Variants in TMEM179 observed in about 807,000 individuals in gnomAD.
TMEM179 encodes transmembrane protein 179A.
Under a neutral mutation model 22.2 loss-of-function variants are expected in TMEM179, and 17 were observed. That is an observed-to-expected ratio of 0.77 (90% CI 0.52 to 1.15). TMEM179 has a LOEUF of 1.15. Among genes scored for constraint, TMEM179 ranks in the 50% most tolerant of loss-of-function variants. TMEM179 has a pLI of 0.00. For missense variants in TMEM179, 265 were observed against 313.6 expected (o/e 0.84, Z 1.17); for synonymous variants, 127 against 140.5 (o/e 0.90, Z 0.68).
At position 104,593,594 on chromosome 14, in the gene TMEM179, T is replaced by C. The variant is rs1285013002; in HGVS notation, c.587A>G (p.Tyr196Cys). Residue 196 changes from tyrosine to cysteine, a missense_variant, in exon 4 of 4, where the codon TAC (tyrosine) becomes TGC (cysteine). Tyr to Cys is a radical substitution (Grantham distance 194). Coordinates refer to ENST00000556573, the MANE Select transcript of TMEM179 (RefSeq NM_001286389.2). ...AITTLAFLKV[Y>C]HNYRQEDLLD... ...CAGGTCCTCCTGACGGTAGTTGTGG[T>C]AGACCTTCAGGAAGGCCAGCGTGGT... 2 of 1,519,666 alleles carry C rather than the reference T, an allele frequency of 1.3e-6. No homozygotes were observed. The highest frequency in any genetic ancestry group is 4.0e-5 in the Admixed American group (2 of 50,032). 94.1% of individuals were successfully genotyped at this position (1,519,666 alleles called of 1,614,324 possible).
rs1388884124 is a variant in TMEM179 at position 104,604,120 on chromosome 14, G to A, written c.305+317C>T. ...AGTGTGGCCCGGCTGAGCCCGCCCA[G>A]GAAGGTCCAGGCCTGCTGGGTGATG... On this transcript the variant is annotated intron_variant, in intron 1 of 3. Coordinates refer to ENST00000556573, the MANE Select transcript of TMEM179 (RefSeq NM_001286389.2). The surrounding 1 kb of genome is among the most constrained non-coding windows in gnomAD (Gnocchi z 4.6). Among the ~76,000 whole-genome samples, 1 of 152,226 alleles carries A rather than the reference G, an allele frequency of 6.6e-6. No homozygotes were observed. The highest frequency in any genetic ancestry group is 2.4e-5 in the African/African-American group (1 of 41,460).
chr14:104,594,714 T>G, intron 3 of TMEM179: 1 of 1,155,572 alleles, frequency 8.7e-7, no homozygotes, highest in Non-Finnish European at 1.1e-6. Context: ...CCCTGCCTCC[T>G]TCCTTGGACT....
rs1886998183 is a variant in TMEM179, at chr14:104,595,655, T to C, written c.444-412A>G. Among the ~76,000 whole-genome samples, 1 of 152,168 alleles carries C rather than the reference T, an allele frequency of 6.6e-6. No homozygotes were observed. The highest frequency in any genetic ancestry group is 6.5e-5 in the Admixed American group (1 of 15,288). On this transcript the variant is annotated intron_variant, in intron 2 of 3. Coordinates refer to ENST00000556573, the MANE Select transcript of TMEM179 (RefSeq NM_001286389.2). The surrounding 1 kb of genome is among the most constrained non-coding windows in gnomAD (Gnocchi z 5.7). ...CCTCTGCCCCCCATGCCCCACACTC[T>C]GAGGGTCACAGGGTCTCAGAGGCAG...
chr14:104,591,792 C>T lies in TMEM179; in HGVS notation c.*1687G>A. On this transcript the variant is annotated 3_prime_UTR_variant, in exon 4 of 4. Transcript: ENST00000556573. ...CAGGGAGCCAGGGGCTCGCCTCTCC[C>T]CGGGAAGGTGGGCGCAGCAGCAGGG... is the stretch of plus-strand genomic sequence containing the variant. The T allele has an allele frequency of 4.8e-6, 1 of 209,572 alleles. No individual in the cohort carries two copies. Among genetic ancestry groups the T allele is most frequent in the Non-Finnish European group, 9.7e-6 (1 of 102,752 alleles). 13.0% of individuals were successfully genotyped at this position (209,572 alleles called of 1,614,324 possible).
Position 104,604,541 on chromosome 14 carries a change from C to T in TMEM179, c.201G>A (p.Pro67=). 6.5e-7 allele frequency: 1 copy of T among 1,537,086 alleles called. No individual in the cohort carries two copies. The highest frequency in any genetic ancestry group is 8.7e-7 in the Non-Finnish European group (1 of 1,145,028). ...RERFTVQEWG[P]PAACRFSLLA... is the part of the protein sequence containing the mutation. ...GCAGGCTGAAGCGGCAGGCGGCCGG[C>T]GGGCCCCACTCCTGCACCGTGAAGC... The change falls in exon 1 of 4, where the codon CCG becomes CCA. Residue 67 remains proline (P), a synonymous_variant. Coordinates refer to ENST00000556573, the MANE Select transcript of TMEM179 (RefSeq NM_001286389.2). The surrounding 1 kb of genome is among the most constrained non-coding windows in gnomAD (Gnocchi z 4.6).
rs980071543 is a variant in TMEM179, at chr14:104,597,329, G to A, written c.306-202C>T. ...TCAAGGAGTTGTTCCCCCTGCCTGC[G>A]GTCCCTCGGGCAGCTCCGTGTGCCC... On this transcript the variant is annotated intron_variant, in intron 1 of 3. Coordinates refer to ENST00000556573, the MANE Select transcript of TMEM179 (RefSeq NM_001286389.2). This position sits in a 1 kb window ranked among gnomAD's most constrained non-coding sequence, Gnocchi z 4.8. Among the ~76,000 whole-genome samples the A allele has an allele frequency of 3.3e-5, 5 of 152,088 alleles. No individual in the cohort carries two copies. Among genetic ancestry groups the A allele is most frequent in the Admixed American group, 6.5e-5 (1 of 15,288 alleles).
chr14:104,595,858 G>A lies in TMEM179; in HGVS notation c.444-615C>T, dbSNP rs950249579. On this transcript the variant is annotated intron_variant, in intron 2 of 3. Coordinates refer to ENST00000556573, the MANE Select transcript of TMEM179 (RefSeq NM_001286389.2). This position sits in a 1 kb window ranked among gnomAD's most constrained non-coding sequence, Gnocchi z 5.7. Reference sequence around the variant, plus strand: ...CTGCACCCCCAACATAAAACGTGAAGCCAGGACACATTGACAGGAGCAGGG... The same window carrying A: ...CTGCACCCCCAACATAAAACGTGAAACCAGGACACATTGACAGGAGCAGGG... 6.6e-6 allele frequency among the ~76,000 whole-genome samples: 1 copy of A among 152,250 alleles called. No individual in the cohort carries two copies. The highest frequency in any genetic ancestry group is 1.5e-5 in the Non-Finnish European group (1 of 68,042).
chr14:104,593,177 C>T lies in TMEM179; in HGVS notation c.*302G>A. On this transcript the variant is annotated 3_prime_UTR_variant, in exon 4 of 4. Transcript: ENST00000556573. ...ACGCCCTCCACATAGGCTGGCCAGT[C>T]AGGTCCTACTGGGACAGCCAAGGGG... 1 of 467,566 alleles carries T rather than the reference C, an allele frequency of 2.1e-6. No homozygotes were observed. The highest frequency in any genetic ancestry group is 3.8e-6 in the Non-Finnish European group (1 of 262,198). 29.0% of individuals were successfully genotyped at this position (467,566 alleles called of 1,614,324 possible). A position where few individuals can be genotyped will look rare whatever the true frequency, so the allele number is the denominator to read the frequency against.
At chr14:104,601,785 C>A (rs1887248693) in intron 1 of TMEM179, among the ~76,000 whole-genome samples, 1 of 152,178 alleles carries the variant, frequency 6.6e-6, no homozygotes, top group Non-Finnish European at 1.5e-5. Flanking sequence ...CCGCCACAGG[C>A]CCCTTCCTGA....
rs1196896451 is a variant in TMEM179 at position 104,604,692 on chromosome 14, G to C, written c.50C>G (p.Ala17Gly). Residue 17 changes from alanine to glycine, a missense_variant, in exon 1 of 4, where the codon GCC becomes GGC. Transcript: ENST00000556573. This position sits in a 1 kb window ranked among gnomAD's most constrained non-coding sequence, Gnocchi z 4.6. ...LFAQCACYFL[A>G]FLFSFVVVVP... The stretch of plus-strand genomic sequence containing the variant: ...CACCACCACGAAGCTGAACAGGAAG[G>C]CCAAGAAGTAGCAGGCGCACTGAGC... The C allele has an allele frequency of 1.3e-6, 2 of 1,596,042 alleles. No homozygotes were observed. The highest frequency in any genetic ancestry group is 4.8e-5 in the East Asian group (2 of 41,794).
Position 104,592,969 on chromosome 14 carries a change from G to C in TMEM179, c.*510C>G, listed in dbSNP as rs2140478036. The C allele has an allele frequency of 6.2e-6, 1 of 162,122 alleles. No individual in the cohort carries two copies. The highest frequency in any genetic ancestry group is 3.1e-3 in the Middle Eastern group (1 of 326). 10.0% of individuals were successfully genotyped at this position (162,122 alleles called of 1,614,324 possible). A position where few individuals can be genotyped will look rare whatever the true frequency, so the allele number is the denominator to read the frequency against. On this transcript the variant is annotated 3_prime_UTR_variant, in exon 4 of 4. Transcript: ENST00000556573. ...GGCACCCACCCAGGAGGGGGACTCA[G>C]CTGGGGAGGGGGCCAACCTGGGGCC... is the stretch of plus-strand genomic sequence containing the variant.
intron 3 of TMEM179, chr14:104,594,412 C>T (rs1246282540): frequency 2.7e-5 from 33 of 1,231,660 alleles, no homozygotes; most frequent in Non-Finnish European, 3.2e-5. Context: ...CCAGCGGGCC[C>T]TGATCAGTGC....
chr14:104,596,901 C>A (rs565280016), intron 2 of TMEM179, 89 bp downstream of exon 2: 3 of 1,518,148 alleles, frequency 2.0e-6, no homozygotes, highest in Non-Finnish European at 2.7e-6. Flanking sequence ...GGATGGGCTT[C>A]GTGAGGGAAG....
intron 1 of TMEM179, among the ~76,000 whole-genome samples, chr14:104,599,263 G>A (rs1427813259): frequency 2.0e-5 from 3 of 150,404 alleles, no homozygotes; most frequent in Non-Finnish European, 4.4e-5. Flanking sequence ...GCTGAAAGGT[G>A]TGGACCATGG....
At chr14:104,594,917 TTG>T in intron 3 of TMEM179, 1 of 1,116,678 alleles carries the variant, frequency 9.0e-7, no homozygotes, top group Non-Finnish European at 1.1e-6. Flanking sequence ...CCCCAGGGCC[TTG>T]CCACTTCCTG....
chr14:104,604,500 G>A lies in TMEM179; in HGVS notation c.242C>T (p.Ser81Phe). The A allele has an allele frequency of 6.3e-7, 1 of 1,576,518 alleles. No individual in the cohort carries two copies. The highest frequency in any genetic ancestry group is 8.6e-7 in the Non-Finnish European group (1 of 1,163,626). Residue 81 changes from serine (S) to phenylalanine (F), a missense_variant, in exon 1 of 4, where the codon TCT (serine) becomes TTT (phenylalanine). By Grantham distance (155) the Ser-to-Phe change is radical (BLOSUM62 -2). Transcript: ENST00000556573. This position sits in a 1 kb window ranked among gnomAD's most constrained non-coding sequence, Gnocchi z 4.6. The part of the protein sequence containing the change: ...CRFSLLASLL[S>F]LLLAAAHAWR... The stretch of plus-strand genomic sequence containing the variant: ...GGCGTGCGCGGCGGCCAGCAGCAGA[G>A]ACAGGAGGCTGGCGAGCAGGCTGAA...
rs754586866 is a variant in TMEM179, at chr14:104,595,207, G to C, written c.480C>G (p.Gly160=). 1 of 1,613,520 alleles carries C rather than the reference G, an allele frequency of 6.2e-7. No homozygotes were observed. Among genetic ancestry groups the C allele is most frequent in the Non-Finnish European group, 8.5e-7 (1 of 1,179,912 alleles). Residue 160 remains glycine (G), a synonymous_variant, in exon 3 of 4, where the codon GGC becomes GGG. Coordinates refer to ENST00000556573, the MANE Select transcript of TMEM179 (RefSeq NM_001286389.2). The surrounding 1 kb of genome is among the most constrained non-coding windows in gnomAD (Gnocchi z 5.7). ...GATCGTAGAAGGCGGAGTTGTCCAC[G>C]CCCAGCTCCAAGTCGATGTCCTGGA... is the stretch of plus-strand genomic sequence containing the variant. ...EELQDIDLEL[G]VDNSAFYDQF...
At chr14:104,594,476 GCCTCATCT>G in intron 3 of TMEM179, 1 of 1,231,810 alleles carries the variant, frequency 8.1e-7, no homozygotes, top group Non-Finnish European at 1.0e-6. Flanking sequence ...CCCCTCATCT[GCCTCATCT>G]CCGTCTGGGG....
intron 2 of TMEM179, among the ~76,000 whole-genome samples, chr14:104,596,607 GCT>G (rs1887029636): frequency 2.0e-5 from 3 of 152,278 alleles, no homozygotes; most frequent in African/African-American, 7.2e-5. Flanking sequence ...ACAGTCTCCG[GCT>G]GTGTGGCCAC....
Sources: gnomAD v4.1 joint callset for allele counts (sites outside exome capture counted in the v4.1 genomes callset) on GRCh38, gnomAD v4.1.1 for gene constraint, Gnocchi (gnomAD v3.1) non-coding constraint, MANE v1.5 for transcripts, NCBI Gene and HGNC (gene_info 2026-07-23, HGNC 2026-07-21) for gene names.